LSR: variants seen among roughly 807,000 people sequenced by gnomAD.
LSR encodes lipolysis-stimulated lipoprotein receptor.
A neutral mutation model predicts 61.8 loss-of-function variants in LSR; 44 were observed. That is an observed-to-expected ratio of 0.71 (90% CI 0.56 to 0.91). The LOEUF is 0.91. Among genes scored for constraint, LSR ranks in the 40% least tolerant of loss-of-function variants. The pLI is 0.00. For synonymous variants in LSR, 397 were observed against 350.6 expected (o/e 1.13, Z -1.48); for missense variants, 911 against 830.5 (o/e 1.10, Z -1.19).
At chr19:35,267,016 A>C in intron 8 of LSR, 49 bp downstream of exon 8, 1 of 1,579,404 alleles carries the variant, frequency 6.3e-7, no homozygotes, top group Non-Finnish European at 8.6e-7. Flanking sequence ...GGGGGGTGAA[A>C]CATGTCTCCC....
At chr19:35,254,914 C>T (rs983260751) in intron 2 of LSR, among the ~76,000 whole-genome samples, 1 of 152,206 alleles carries the variant, frequency 6.6e-6, no homozygotes, top group Admixed American at 6.5e-5. Context: ...GGTCCAGCCT[C>T]GGCCTACAAG....
chr19:35,262,640 C>G lies in LSR; in HGVS notation c.726C>G (p.Cys242Trp). ...CWCQCCPHTC[C>W]CYVRCPCCPD... ...GCCAGTGCTGCCCGCACACTTGCTG[C>G]TGCTACGTCAGGTGCCCCTGCTGCC... is the stretch of plus-strand genomic sequence containing the variant. Residue 242 changes from cysteine (C) to tryptophan (W), a missense_variant, in exon 5 of 10, where the codon TGC becomes TGG. Physicochemically the swap from Cys to Trp is radical, Grantham distance 215. Transcript: ENST00000605618. 1 of 1,614,208 alleles carries G rather than the reference C, an allele frequency of 6.2e-7. No individual in the cohort carries two copies. The highest frequency in any genetic ancestry group is 8.5e-7 in the Non-Finnish European group (1 of 1,180,038).
At chr19:35,254,801 GGAA>G (rs1421702709) in intron 2 of LSR, among the ~76,000 whole-genome samples, 1 of 152,188 alleles carries the variant, frequency 6.6e-6, no homozygotes, top group Non-Finnish European at 1.5e-5. Context: ...ACGCCCTGCA[GGAA>G]GAAGGTGTGC....
rs371607561 is a variant in LSR, at chr19:35,259,003, C to T, written c.513C>T (p.Ser171=). Residue 171 remains serine, a synonymous_variant, in exon 3 of 10, where the codon TCC becomes TCT. Transcript: ENST00000605618. ...AWGDSGVYYC[S]VVSAQDLQGN... ...GGGACAGTGGTGTGTATTACTGCTC[C>T]GTGGTCTCAGCCCAGGACCTCCAGG... The T allele has an allele frequency of 8.1e-6, 13 of 1,614,068 alleles. No individual in the cohort carries two copies. The highest frequency in any genetic ancestry group is 4.4e-5 in the South Asian group (4 of 91,084).
Position 35,250,418 on chromosome 19 carries a change from C to T in LSR, c.213C>T (p.Pro71=), listed in dbSNP as rs769129288. The T allele has an allele frequency of 1.2e-6, 2 of 1,613,936 alleles. No individual in the cohort carries two copies. Among genetic ancestry groups the T allele is most frequent in the African/African-American group, 2.7e-5 (2 of 74,912 alleles). The change falls in exon 2 of 10, where the codon CCC becomes CCT. Residue 71 remains proline (P), a synonymous_variant. Coordinates refer to ENST00000605618, the MANE Select transcript of LSR (RefSeq NM_205834.4). ...GTACCTACCAGATGACCTCGACCCC[C>T]ACGCAACCCATCGTCATCTGGAAGT... The part of the protein sequence containing the change: ...LPCTYQMTST[P]TQPIVIWKYK...
At chr19:35,267,001 AG>A (rs1294930545) in intron 8 of LSR, 34 bp downstream of exon 8, 1 of 1,590,408 alleles carries the variant, frequency 6.3e-7, no homozygotes, top group Admixed American at 1.8e-5. Context: ...AGGGCTTTTA[AG>A]GTGGGGGGGT....
At chr19:35,262,016 G>A (rs758560634) in intron 4 of LSR, 35 bp downstream of exon 4, 1 of 1,511,428 alleles carries the variant, frequency 6.6e-7, no homozygotes, top group Non-Finnish European at 8.8e-7. Context: ...GGCTTCTCGG[G>A]AGCTCCCATA....
At chr19:35,259,247 C>T (rs1051424521) in intron 3 of LSR, 183 bp downstream of exon 3, 1 of 645,932 alleles carries the variant, frequency 1.5e-6, no homozygotes, top group Non-Finnish European at 2.5e-6. Flanking sequence ...CAGGCAGGGA[C>T]CACTGGCCCA....
intron 2 of LSR, among the ~76,000 whole-genome samples, chr19:35,254,973 C>T (rs941894227): frequency 3.3e-5 from 5 of 152,156 alleles, no homozygotes; most frequent in East Asian, 1.9e-4. Context: ...CCATGGCAGG[C>T]GGTTCCTGTC....
intron 2 of LSR, among the ~76,000 whole-genome samples, chr19:35,252,415 AAGGTGGGTGGATCACCTGAGGTC>A (rs1198859825): frequency 1.3e-5 from 2 of 151,542 alleles, no homozygotes; most frequent in Non-Finnish European, 2.9e-5. Flanking sequence ...TTGGGAGGCC[AAGGTGGGTGGATCACCTGAGGTC>A]AGGAGTTCCA....
At chr19:35,258,551 G>A (rs2065883693) in intron 2 of LSR, among the ~76,000 whole-genome samples, 1 of 151,782 alleles carries the variant, frequency 6.6e-6, no homozygotes, top group Non-Finnish European at 1.5e-5. Flanking sequence ...GTTGCAGTGG[G>A]CTATAATTAC....
At chr19:35,262,868 C>A in intron 5 of LSR, 176 bp downstream of exon 5, 1 of 646,374 alleles carries the variant, frequency 1.5e-6, no homozygotes, top group Non-Finnish European at 2.6e-6. Flanking sequence ...TTACTTCCTC[C>A]AACTTTTAGT....
In LSR at chr19:35,261,995, A is replaced by T; in HGVS notation, c.631+14A>T. On this transcript the variant is annotated intron_variant, in intron 4 of 9. Coordinates refer to ENST00000605618, the MANE Select transcript of LSR (RefSeq NM_205834.4). ...GGCCCATAGAAGGTACGGGGGGTGG[A>T]TCCTGAGTTGGGCTTCTCGGGAGCT... 1 of 1,519,934 alleles carries T rather than the reference A, an allele frequency of 6.6e-7. No homozygotes were observed. The highest frequency in any genetic ancestry group is 8.7e-7 in the Non-Finnish European group (1 of 1,145,136). The allele number at this position is 1,519,934 out of a possible 1,614,324, so 94.2% of individuals were successfully genotyped here. A position where few individuals can be genotyped will look rare whatever the true frequency, so the allele number is the denominator to read the frequency against.
Position 35,258,982 on chromosome 19 carries a change from C to A in LSR, c.492C>A (p.Asp164Glu). The change falls in exon 3 of 10, where the codon GAC becomes GAA. Residue 164 changes from aspartate to glutamate, a missense_variant. Coordinates refer to ENST00000605618, the MANE Select transcript of LSR (RefSeq NM_205834.4). ...CCTTTGACCAGACGGCGTGGGGGGA[C>A]AGTGGTGTGTATTACTGCTCCGTGG... ...DLTFDQTAWG[D>E]SGVYYCSVVS... is the part of the protein sequence containing the mutation. The A allele has an allele frequency of 1.2e-6, 2 of 1,614,058 alleles. No homozygotes were observed. The highest frequency in any genetic ancestry group is 8.5e-7 in the Non-Finnish European group (1 of 1,179,992).
Position 35,266,354 on chromosome 19 carries a change from C to T in LSR, c.779-5C>T, listed in dbSNP as rs750488879. On this transcript the variant is annotated splice_region_variant and splice_polypyrimidine_tract_variant and intron_variant, in intron 5 of 9. Coordinates refer to ENST00000605618, the MANE Select transcript of LSR (RefSeq NM_205834.4). Reference sequence around the variant, plus strand: ...CCCCTTCTCCTGTTGATTGTGTCCTCACAGTGTATGCCGCCGGCAAAGCAG... The same window carrying T: ...CCCCTTCTCCTGTTGATTGTGTCCTTACAGTGTATGCCGCCGGCAAAGCAG... 5 of 1,570,146 alleles carry T rather than the reference C, an allele frequency of 3.2e-6. No individual in the cohort carries two copies. Among genetic ancestry groups the T allele is most frequent in the Admixed American group, 1.8e-5 (1 of 54,958 alleles).
chr19:35,255,446 AG>A (rs1265057417), intron 2 of LSR, among the ~76,000 whole-genome samples: 3 of 151,978 alleles, frequency 2.0e-5, no homozygotes, highest in Admixed American at 1.3e-4. Context: ...CCCAGCACAT[AG>A]TAAGAGCTCA....
intron 4 of LSR, among the ~76,000 whole-genome samples, chr19:35,262,275 G>A (rs750382118): frequency 6.6e-6 from 1 of 152,074 alleles, no homozygotes; most frequent in Non-Finnish European, 1.5e-5. Flanking sequence ...GCTGCAGTCT[G>A]TCTCCCTCTG....
intron 2 of LSR, among the ~76,000 whole-genome samples, chr19:35,255,673 C>T (rs1422789960): frequency 6.6e-6 from 1 of 152,196 alleles, no homozygotes; most frequent in Non-Finnish European, 1.5e-5. Context: ...CCCTTCACAT[C>T]TGCTCTGAAG....
At chr19:35,252,599 A>T (rs1209168980) in intron 2 of LSR, among the ~76,000 whole-genome samples, 1 of 142,808 alleles carries the variant, frequency 7.0e-6, no homozygotes, top group East Asian at 2.3e-4. Flanking sequence ...CAGTGAGCTG[A>T]GATCGCACCA....
Sources: gnomAD v4.1 joint callset for allele counts (sites outside exome capture counted in the v4.1 genomes callset) on GRCh38, gnomAD v4.1.1 for gene constraint, MANE v1.5 for transcripts, NCBI Gene and HGNC (gene_info 2026-07-23, HGNC 2026-07-21) for gene names.